Variants in TMEM132B observed in about 807,000 individuals in gnomAD.
TMEM132B encodes the protein transmembrane protein 132B.
In TMEM132B, 18 loss-of-function variants were observed where a neutral mutation model predicts 90.8. The observed-to-expected ratio is 0.20, with a 90% CI of 0.14 to 0.29. TMEM132B has a LOEUF of 0.29. Among genes scored for constraint, TMEM132B ranks in the 10% least tolerant of loss-of-function variants. The pLI is 1.00. For missense variants in TMEM132B, 1,096 were observed against 1,326.8 expected (o/e 0.83, Z 2.70); for synonymous variants, 504 against 523.3 (o/e 0.96, Z 0.50).
At chr12:125,237,135 C>CA (rs1266799616) in intron 1 of TMEM132B, among the ~76,000 whole-genome samples, 1 of 152,222 alleles carries the variant, frequency 6.6e-6, no homozygotes, top group African/African-American at 2.4e-5. Context: ...ACACTGCCAG[C>CA]AGCAGGCTTA....
chr12:125,313,048 G>A (rs543835578), intron 1 of TMEM132B, among the ~76,000 whole-genome samples: 3 of 152,300 alleles, frequency 2.0e-5, no homozygotes, highest in Admixed American at 6.5e-5. Context: ...CCTCGTGTGA[G>A]CTGGGAGTGC....
chr12:125,641,624 C>T (rs747756207), intron 5 of TMEM132B, among the ~76,000 whole-genome samples: 6 of 152,074 alleles, frequency 3.9e-5, no homozygotes, highest in Non-Finnish European at 7.4e-5. Flanking sequence ...TTTATTTTTC[C>T]CATATGAGCT....
At chr12:125,202,747 G>T (rs1293785375) in intron 1 of TMEM132B, among the ~76,000 whole-genome samples, 1 of 152,186 alleles carries the variant, frequency 6.6e-6, no homozygotes, top group Non-Finnish European at 1.5e-5. Context: ...CCAGATCTTT[G>T]GAGGCTGTCC....
chr12:125,187,717 G>T (rs1251233539), intron 1 of TMEM132B, among the ~76,000 whole-genome samples: 1 of 152,152 alleles, frequency 6.6e-6, no homozygotes, highest in Non-Finnish European at 1.5e-5. Flanking sequence ...ACCCACCTTG[G>T]TGTGGCTACA....
chr12:125,314,367 G>C (rs1386316208), intron 1 of TMEM132B, among the ~76,000 whole-genome samples: 1 of 152,238 alleles, frequency 6.6e-6, no homozygotes, highest in Non-Finnish European at 1.5e-5. Context: ...ACTCTAGGCA[G>C]CAGATGGGAG....
At chr12:125,295,008 G>A (rs944501816) in intron 1 of TMEM132B, among the ~76,000 whole-genome samples, 4 of 152,132 alleles carry the variant, frequency 2.6e-5, no homozygotes, top group African/African-American at 9.7e-5. Context: ...TTGTGTATGT[G>A]TGAGCCACTC....
At chr12:125,550,537 A>G (rs138433489) in intron 4 of TMEM132B, among the ~76,000 whole-genome samples, 1 of 152,344 alleles carries the variant, frequency 6.6e-6, no homozygotes, top group African/African-American at 2.4e-5. Flanking sequence ...GTATTAACAT[A>G]GCCCTAAAGG....
intron 3 of TMEM132B, among the ~76,000 whole-genome samples, chr12:125,420,961 C>T: frequency 6.6e-6 from 1 of 151,438 alleles, no homozygotes; most frequent in East Asian, 1.9e-4. Context: ...CCACCAGTCT[C>T]TTTGCTAAAA....
At chr12:125,627,981 A>T (rs1886273877) in intron 5 of TMEM132B, among the ~76,000 whole-genome samples, 1 of 152,186 alleles carries the variant, frequency 6.6e-6, no homozygotes, top group Non-Finnish European at 1.5e-5. Flanking sequence ...TGTTGTTGCA[A>T]ATGACAAGAG....
At chr12:125,290,815 A>G (rs1026903653) in intron 1 of TMEM132B, among the ~76,000 whole-genome samples, 1 of 152,156 alleles carries the variant, frequency 6.6e-6, no homozygotes, top group Non-Finnish European at 1.5e-5. Context: ...CAGAGTGTAT[A>G]CTTATGATTG....
chr12:125,351,816 T>C (rs1196284669), intron 2 of TMEM132B, among the ~76,000 whole-genome samples: 3 of 152,176 alleles, frequency 2.0e-5, no homozygotes, highest in Admixed American at 2.0e-4. Context: ...TTTTCAATGG[T>C]TGGAAATATT....
rs1406190508 is a variant in TMEM132B, at chr12:125,633,850, C to G, written c.1438-10226C>G. ...GACATAAGCACCCCTGTGGCCACTC[C>G]CACTATGACTGTGCTGGATCAGACC... is the stretch of plus-strand genomic sequence containing the variant. On this transcript the variant is annotated intron_variant, in intron 5 of 8. Coordinates refer to ENST00000682704, the MANE Select transcript of TMEM132B (RefSeq NM_001366854.1). Among the ~76,000 whole-genome samples, 4 of 152,308 alleles carry G rather than the reference C, an allele frequency of 2.6e-5. No individual in the cohort carries two copies. In the East Asian group the frequency reaches 7.7e-4, roughly 29 times the overall value.
intron 1 of TMEM132B, among the ~76,000 whole-genome samples, chr12:125,334,501 A>G (rs560879052): frequency 6.6e-6 from 1 of 152,278 alleles, no homozygotes; most frequent in African/African-American, 2.4e-5. Flanking sequence ...GTAATAAAGG[A>G]CCTGACAGGG....
intron 1 of TMEM132B, among the ~76,000 whole-genome samples, chr12:125,319,039 G>A (rs1423264858): frequency 1.3e-5 from 2 of 152,230 alleles, no homozygotes; most frequent in African/African-American, 4.8e-5. Context: ...TTTCAGGGCA[G>A]GTGGCCCAGT....
intron 4 of TMEM132B, among the ~76,000 whole-genome samples, chr12:125,522,918 G>A (rs1289252716): frequency 2.6e-5 from 4 of 152,160 alleles, no homozygotes; most frequent in Non-Finnish European, 5.9e-5. Flanking sequence ...CAGGTAATGA[G>A]GGGTGAACTT....
intron 6 of TMEM132B, among the ~76,000 whole-genome samples, chr12:125,647,800 TTTTTTACATCATG>T (rs569581824): frequency 5.8e-4 from 88 of 152,212 alleles, no homozygotes; most frequent in African/African-American, 1.9e-3. Context: ...TTCGCATCAA[TTTTTTACATCATG>T]TTTGGTATTC....
At chr12:125,651,577 A>G (rs905432876) in intron 7 of TMEM132B, among the ~76,000 whole-genome samples, 30 of 152,214 alleles carry the variant, frequency 2.0e-4, no homozygotes, top group Non-Finnish European at 3.7e-4. Context: ...GCTGGATGAA[A>G]CATGGTATGT....
chr12:125,217,440 G>A (rs1019614848), intron 1 of TMEM132B, among the ~76,000 whole-genome samples: 1 of 152,102 alleles, frequency 6.6e-6, no homozygotes, highest in Non-Finnish European at 1.5e-5. Context: ...ATACTCCTTC[G>A]CTTAATTCTT....
At chr12:125,474,548 CA>C (rs1242470939) in intron 3 of TMEM132B, among the ~76,000 whole-genome samples, 3 of 152,148 alleles carry the variant, frequency 2.0e-5, no homozygotes. Context: ...TTCAGTCTCC[CA>C]AAGTGCTGGG....
Sources: gnomAD v4.1 joint callset for allele counts (sites outside exome capture counted in the v4.1 genomes callset) on GRCh38, gnomAD v4.1.1 for gene constraint, MANE v1.5 for transcripts, NCBI Gene and HGNC (gene_info 2026-07-23, HGNC 2026-07-21) for gene names.